The following ANKRD31 variants were observed in gnomAD, a reference collection of about 807,000 sequenced individuals.
The protein encoded by ANKRD31 is ankyrin repeat domain 31.
In ANKRD31, 147 loss-of-function variants were observed where a neutral mutation model predicts 186.0. The observed-to-expected ratio is 0.79, with a 90% CI of 0.69 to 0.91. The LOEUF is 0.91. ANKRD31 is among the 40% of genes least tolerant of loss of function. ANKRD31 has a pLI of 0.00. For synonymous variants in ANKRD31, 673 were observed against 736.4 expected, an observed-to-expected ratio of 0.91 and a Z score of 1.39; for missense variants, 1,986 against 2,148.8, an observed-to-expected ratio of 0.92 and a Z score of 1.50.
chr5:75,130,430 T>A (rs186771240), intron 17 of ANKRD31, among the ~76,000 whole-genome samples: 4 of 152,330 alleles, frequency 2.6e-5, no homozygotes, highest in African/African-American at 9.6e-5. Flanking sequence ...CCCACCTACA[T>A]CCTACTGATT....
intron 10 of ANKRD31, among the ~76,000 whole-genome samples, chr5:75,178,082 TC>T (rs1016957748): frequency 6.6e-6 from 1 of 152,118 alleles, no homozygotes; most frequent in African/African-American, 2.4e-5. Context: ...GGGGTTGCAA[TC>T]TGAGTCTCAG....
chr5:75,196,747 A>T (rs1000673847), intron 6 of ANKRD31, among the ~76,000 whole-genome samples: 1 of 152,170 alleles, frequency 6.6e-6, no homozygotes, highest in African/African-American at 2.4e-5. Context: ...TAAATATTAC[A>T]AGCCCTAGCT....
intron 1 of ANKRD31, among the ~76,000 whole-genome samples, chr5:75,235,805 G>A (rs1561560172): frequency 6.6e-6 from 1 of 152,134 alleles, no homozygotes; most frequent in Admixed American, 6.5e-5. Context: ...TCTTAACTCT[G>A]TGCTAAAGGC....
chr5:75,103,306 C>T (rs912537195), intron 22 of ANKRD31, among the ~76,000 whole-genome samples: 1 of 152,190 alleles, frequency 6.6e-6, no homozygotes, highest in African/African-American at 2.4e-5. Context: ...GAGATACCCT[C>T]TCACACCACT....
At chr5:75,213,949 C>A (rs1286466751) in intron 3 of ANKRD31, among the ~76,000 whole-genome samples, 1 of 152,174 alleles carries the variant, frequency 6.6e-6, no homozygotes, top group Non-Finnish European at 1.5e-5. Context: ...CACAAACTAC[C>A]TTCACATTTG....
chr5:75,188,662 A>C lies in ANKRD31; in HGVS notation c.1409-14T>G. ...CCTTCATTTTTTCTGAAATGAGGGA[A>C]TGAACAAAAGAAAAAAATCATTATT... On this transcript the variant is annotated splice_polypyrimidine_tract_variant and intron_variant, in intron 9 of 25. Coordinates refer to ENST00000506364, the MANE Select transcript of ANKRD31 (RefSeq NM_001372053.1). 6.6e-7 allele frequency: 1 copy of C among 1,517,244 alleles called. No individual in the cohort carries two copies. The highest frequency in any genetic ancestry group is 8.8e-7 in the Non-Finnish European group (1 of 1,138,102). The allele number at this position is 1,517,244 out of a possible 1,614,324, so 94.0% of individuals were successfully genotyped here.
intron 18 of ANKRD31, among the ~76,000 whole-genome samples, chr5:75,117,852 A>G (rs1160931663): frequency 6.6e-6 from 1 of 152,116 alleles, no homozygotes; most frequent in Non-Finnish European, 1.5e-5. Context: ...GGCTTCAATT[A>G]CATCTCTATC....
intron 17 of ANKRD31, among the ~76,000 whole-genome samples, chr5:75,128,933 C>CT (rs1357589106): frequency 2.0e-5 from 3 of 151,992 alleles, no homozygotes; most frequent in Non-Finnish European, 4.4e-5. Context: ...TTTGTCTATT[C>CT]TTTTTAAATT....
intron 17 of ANKRD31, among the ~76,000 whole-genome samples, chr5:75,129,629 T>C (rs1749573470): frequency 2.0e-5 from 3 of 152,190 alleles, no homozygotes; most frequent in Non-Finnish European, 1.5e-5. Flanking sequence ...ATGGTTTCCT[T>C]AACTATTTTT....
chr5:75,169,496 T>G (rs1004867401), intron 10 of ANKRD31, among the ~76,000 whole-genome samples: 3 of 152,176 alleles, frequency 2.0e-5, no homozygotes, highest in Admixed American at 6.5e-5. Context: ...TCAAGGTACT[T>G]CCATTAAAGT....
At chr5:75,140,297 G>A (rs1374845844) in intron 15 of ANKRD31, among the ~76,000 whole-genome samples, 1 of 42,122 alleles carries the variant, frequency 2.4e-5, no homozygotes, top group Admixed American at 2.1e-4. Flanking sequence ...AAGGAAGGAA[G>A]GAAGGAAGGA....
intron 22 of ANKRD31, among the ~76,000 whole-genome samples, chr5:75,098,169 A>G (rs1032531383): frequency 5.3e-5 from 8 of 151,294 alleles, no homozygotes; most frequent in Non-Finnish European, 8.8e-5. Flanking sequence ...ATTTTTTTGT[A>G]TTTTTAGTAG....
rs902805228 is a variant in ANKRD31, at chr5:75,207,203, G to C, written c.327-716C>G. On this transcript the variant is annotated intron_variant, in intron 4 of 25. Transcript: ENST00000506364. ...GCACAGCTACTGGAGTCCTATGCAA[G>C]AGTAATAAATTAAGCATTCTCTCCT... 2.6e-5 allele frequency among the ~76,000 whole-genome samples: 4 copies of C among 152,204 alleles called. No homozygotes were observed. The East Asian group carries it at 7.7e-4, about 29-fold the overall frequency.
At position 75,069,018 on chromosome 5, in the gene ANKRD31, G is replaced by T. The variant is rs117179522; in HGVS notation, c.5648-354C>A. Reference sequence around the variant, plus strand: ...TTGCATGTGAAATTCTTAGCATACCGCCGGGCATATAGCAAACAATAAATA... The same window carrying T: ...TTGCATGTGAAATTCTTAGCATACCTCCGGGCATATAGCAAACAATAAATA... On this transcript the variant is annotated intron_variant, in intron 25 of 25. Coordinates refer to ENST00000506364, the MANE Select transcript of ANKRD31 (RefSeq NM_001372053.1). 5.1e-4 allele frequency among the ~76,000 whole-genome samples: 77 copies of T among 152,204 alleles called. 1 individual carries two copies. In the East Asian group the frequency reaches 0.013, roughly 26 times the overall value.
intron 1 of ANKRD31, among the ~76,000 whole-genome samples, chr5:75,234,528 C>A (rs755966799): frequency 1.1e-4 from 17 of 152,168 alleles, no homozygotes; most frequent in Admixed American, 1.1e-3. Flanking sequence ...ATCCAGTCTC[C>A]AAAACAAACA....
intron 22 of ANKRD31, among the ~76,000 whole-genome samples, chr5:75,096,813 C>A (rs941493823): frequency 6.7e-6 from 1 of 149,456 alleles, no homozygotes; most frequent in African/African-American, 2.5e-5. Context: ...TCCCTTCCCC[C>A]ACCCCCACCC....
At position 75,199,658 on chromosome 5, in the gene ANKRD31, A is replaced by G. The variant is rs1383531087; in HGVS notation, c.420T>C (p.Ser140=). The G allele has an allele frequency of 6.5e-7, 1 of 1,533,932 alleles. No homozygotes were observed. The highest frequency in any genetic ancestry group is 2.5e-5 in the East Asian group (1 of 40,644). The stretch of plus-strand genomic sequence containing the variant: ...TTTCTATGTGTGGCAAAACTTCAGG[A>G]CTTTCAGCCTCTGGCCCTAGAAAAA... The part of the protein sequence containing the change: ...HQNIEGPEAE[S]PEVLPHIEKE... The change falls in exon 6 of 26, where the codon AGT becomes AGC. Residue 140 remains serine, a synonymous_variant. Coordinates refer to ENST00000506364, the MANE Select transcript of ANKRD31 (RefSeq NM_001372053.1).
intron 22 of ANKRD31, among the ~76,000 whole-genome samples, chr5:75,097,546 T>A (rs549463488): frequency 1.3e-5 from 2 of 152,234 alleles, no homozygotes; most frequent in African/African-American, 4.8e-5. Flanking sequence ...CTTTGTAGAG[T>A]CTGGGTATTA....
intron 17 of ANKRD31, among the ~76,000 whole-genome samples, chr5:75,129,923 C>T (rs141576885): frequency 0.019 from 2,859 of 152,314 alleles, 87 homozygotes; most frequent in African/African-American, 0.065. Context: ...AATCGGGACA[C>T]TCCTACCCTA....
Sources: allele counts gnomAD v4.1 joint callset (sites outside exome capture counted in the v4.1 genomes callset), GRCh38; gene constraint gnomAD v4.1.1; transcripts MANE v1.5; gene names NCBI Gene and HGNC (gene_info 2026-07-23, HGNC 2026-07-21).